The following MYH9 variants were observed in gnomAD, a reference collection of about 807,000 sequenced individuals.
The protein encoded by MYH9 is myosin heavy chain 9.
A neutral mutation model predicts 241.9 loss-of-function variants in MYH9; 29 were observed. That is an observed-to-expected ratio of 0.12 (90% CI 0.09 to 0.16). The LOEUF is 0.16. Ranked by LOEUF, MYH9 falls within the 10% of genes least tolerant of loss-of-function variation. The pLI is 1.00. For missense variants in MYH9, 1,803 were observed against 2,595.5 expected (o/e 0.69, Z 6.63); for synonymous variants, 1,047 against 1,062.6 (o/e 0.99, Z 0.29).
chr22:36,283,877 C>T (rs1569534628), intron 40 of MYH9, among the ~76,000 whole-genome samples: 2 of 152,226 alleles, frequency 1.3e-5, no homozygotes, highest in Non-Finnish European at 2.9e-5. Context: ...AGACAATAGA[C>T]TTTTAGGACA....
intron 1 of MYH9, among the ~76,000 whole-genome samples, chr22:36,370,621 T>C (rs1242965150): frequency 2.0e-5 from 3 of 152,230 alleles, no homozygotes; most frequent in Non-Finnish European, 4.4e-5. Flanking sequence ...ACCAGCTTTC[T>C]ACAACAGTTC....
chr22:36,355,308 A>C (rs1209750410), intron 1 of MYH9, among the ~76,000 whole-genome samples: 2 of 152,174 alleles, frequency 1.3e-5, no homozygotes, highest in African/African-American at 2.4e-5. Context: ...TTCAACCCAA[A>C]ATGTAATGCC....
intron 3 of MYH9, among the ~76,000 whole-genome samples, chr22:36,333,285 C>T (rs544972606): frequency 1.9e-4 from 29 of 152,340 alleles, no homozygotes; most frequent in South Asian, 6.2e-4. Context: ...CGCATGAACA[C>T]GTTGCCTCGG....
At chr22:36,287,926 G>A (rs1465812300) in intron 34 of MYH9, among the ~76,000 whole-genome samples, 1 of 152,210 alleles carries the variant, frequency 6.6e-6, no homozygotes, top group Non-Finnish European at 1.5e-5. Flanking sequence ...AAGGCTGAAG[G>A]GTGTCAGGAC....
intron 31 of MYH9, among the ~76,000 whole-genome samples, chr22:36,289,789 C>G (rs1364837841): frequency 2.0e-5 from 3 of 152,158 alleles, no homozygotes; most frequent in Non-Finnish European, 4.4e-5. Context: ...TCCCCACCTT[C>G]CCTTCCTTTT....
intron 23 of MYH9, among the ~76,000 whole-genome samples, chr22:36,299,518 C>T (rs193078234): frequency 6.6e-6 from 1 of 152,302 alleles, no homozygotes; most frequent in Non-Finnish European, 1.5e-5. Context: ...CACCCCTGCC[C>T]AGCGGCCACA....
chr22:36,316,383 A>T, intron 12 of MYH9, 134 bp downstream of exon 12: 1 of 1,339,500 alleles, frequency 7.5e-7, no homozygotes, highest in Non-Finnish European at 1.1e-6. Flanking sequence ...CCCACACCCA[A>T]CCAAAGTCTT....
chr22:36,365,753 A>C (rs1326152484), intron 1 of MYH9, among the ~76,000 whole-genome samples: 1 of 152,118 alleles, frequency 6.6e-6, no homozygotes, highest in Non-Finnish European at 1.5e-5. Flanking sequence ...GAGCCACCGC[A>C]CCCGGCCTTT....
chr22:36,387,698 C>G (rs1603484870), intron 1 of MYH9, 109 bp downstream of exon 1: 1 of 151,268 alleles, frequency 6.6e-6, no homozygotes, highest in South Asian at 2.1e-4. Context: ...GCGCGGGTGG[C>G]GGGCCGCACT....
chr22:36,308,536 A>G (rs1279137914), intron 15 of MYH9, among the ~76,000 whole-genome samples: 1 of 151,800 alleles, frequency 6.6e-6, no homozygotes, highest in African/African-American at 2.4e-5. Context: ...AGCCTCCCAG[A>G]TTGCTGGGAT....
intron 15 of MYH9, chr22:36,308,849 G>C (rs1010948869): frequency 2.0e-6 from 2 of 985,298 alleles, no homozygotes; most frequent in Non-Finnish European, 2.4e-6. Context: ...ATAGAAATAG[G>C]CTCTCTGAGT....
rs2016959816 is a variant in MYH9, at chr22:36,305,874, G to A, written c.2159+56C>T. ...CCAGGGAGCAGCAGCCCACCTCTGG[G>A]ACTCACTGCACGCACAGCAGGGCCC... On this transcript the variant is annotated intron_variant, in intron 17 of 40. Coordinates refer to ENST00000216181, the MANE Select transcript of MYH9 (RefSeq NM_002473.6). This position sits in a 1 kb window ranked among gnomAD's most constrained non-coding sequence, Gnocchi z 4.7. 1.9e-6 allele frequency: 3 copies of A among 1,610,300 alleles called. No individual in the cohort carries two copies. In the African/African-American group the frequency reaches 4.0e-5, roughly 21 times the overall value.
At position 36,306,322 on chromosome 22, in the gene MYH9, G is replaced by A. The variant is rs2016969479; in HGVS notation, c.2037+92C>T. ...CTGAAGGCTCTGTGCATGCTGGGGG[G>A]CTGGAGGGGTGCTTTTGCTGGGGAG... On this transcript the variant is annotated intron_variant, in intron 16 of 40. Transcript: ENST00000216181. The surrounding 1 kb of genome is among the most constrained non-coding windows in gnomAD (Gnocchi z 4.1). 3 of 1,509,532 alleles carry A rather than the reference G, an allele frequency of 2.0e-6. No individual in the cohort carries two copies. The highest frequency in any genetic ancestry group is 1.4e-5 in the African/African-American group (1 of 72,794). 93.5% of individuals were successfully genotyped at this position (1,509,532 alleles called of 1,614,324 possible).
chr22:36,356,436 C>T (rs2017856726), intron 1 of MYH9, among the ~76,000 whole-genome samples: 1 of 151,848 alleles, frequency 6.6e-6, no homozygotes, highest in South Asian at 2.1e-4. Context: ...CAAAACTTAG[C>T]CAGGCGTGGT....
chr22:36,294,787 A>G (rs564497521), intron 27 of MYH9, 145 bp downstream of exon 27: 30 of 1,065,722 alleles, frequency 2.8e-5, no homozygotes, highest in Non-Finnish European at 4.0e-5. Context: ...GGCACGAGTC[A>G]CAAAGCCCCT....
At chr22:36,292,983 C>G (rs111794937) in intron 30 of MYH9, among the ~76,000 whole-genome samples, 4 of 152,354 alleles carry the variant, frequency 2.6e-5, no homozygotes, top group African/African-American at 9.6e-5. Context: ...CGGCCACAAC[C>G]CTGACAGGGT....
At chr22:36,356,192 G>A (rs1050716783) in intron 1 of MYH9, among the ~76,000 whole-genome samples, 5 of 152,296 alleles carry the variant, frequency 3.3e-5, no homozygotes, top group African/African-American at 1.2e-4. Flanking sequence ...CCCCATCCTG[G>A]AGAACACAGG....
chr22:36,376,396 GA>G (rs1309863065), intron 1 of MYH9, among the ~76,000 whole-genome samples: 1 of 151,890 alleles, frequency 6.6e-6, no homozygotes, highest in African/African-American at 2.4e-5. Flanking sequence ...CCTAGCTCAA[GA>G]TGCTCAGATG....
intron 1 of MYH9, among the ~76,000 whole-genome samples, chr22:36,349,665 G>A (rs1331969261): frequency 6.6e-6 from 1 of 152,186 alleles, no homozygotes; most frequent in Non-Finnish European, 1.5e-5. Context: ...AGGAGGCGGA[G>A]GTTGCAGTAA....
Sources: gnomAD v4.1 joint callset for allele counts (sites outside exome capture counted in the v4.1 genomes callset) on GRCh38, gnomAD v4.1.1 for gene constraint, Gnocchi (gnomAD v3.1) non-coding constraint, MANE v1.5 for transcripts, NCBI Gene and HGNC (gene_info 2026-07-23, HGNC 2026-07-21) for gene names.